ESF1: variants seen among roughly 807,000 people sequenced by gnomAD.
ESF1 encodes ESF1 nucleolar pre-rRNA processing protein.
In ESF1, 58 loss-of-function variants were observed where a neutral mutation model predicts 92.0. The observed-to-expected ratio is 0.63, with a 90% CI of 0.51 to 0.78. The LOEUF (loss-of-function observed/expected upper bound fraction) is 0.78. Among genes scored for constraint, ESF1 ranks in the 30% least tolerant of loss-of-function variants. The pLI is 0.00. For missense variants in ESF1, 922 were observed against 989.1 expected (o/e 0.93, Z 0.91); for synonymous variants, 321 against 313.7 (o/e 1.02, Z -0.24).
chr20:13,741,390 G>C (rs1014295558), intron 9 of ESF1, among the ~76,000 whole-genome samples: 2 of 152,144 alleles, frequency 1.3e-5, no homozygotes, highest in African/African-American at 4.8e-5. Context: ...AGGTGGGCTA[G>C]ATGTGGTGGT....
At chr20:13,782,410 A>G in intron 2 of ESF1, 94 bp downstream of exon 2, 1 of 1,081,562 alleles carries the variant, frequency 9.2e-7, no homozygotes, top group Non-Finnish European at 1.3e-6. Context: ...CCATAATACT[A>G]TGAAAATACT....
chr20:13,780,036 T>A (rs1166660574), intron 2 of ESF1, among the ~76,000 whole-genome samples: 1 of 152,176 alleles, frequency 6.6e-6, no homozygotes, highest in Admixed American at 6.5e-5. Flanking sequence ...CTGTAATAAC[T>A]GATGAATGGA....
intron 9 of ESF1, among the ~76,000 whole-genome samples, chr20:13,755,214 T>C (rs1978836433): frequency 6.6e-6 from 1 of 152,084 alleles, no homozygotes; most frequent in African/African-American, 2.4e-5. Context: ...GAGTGCTGAG[T>C]AGAAAAAAGA....
intron 9 of ESF1, among the ~76,000 whole-genome samples, chr20:13,751,479 C>T (rs968102000): frequency 2.6e-5 from 4 of 152,060 alleles, no homozygotes; most frequent in Admixed American, 6.6e-5. Context: ...ATGCAAACAG[C>T]GGGAAGGACT....
chr20:13,738,439 G>T (rs2049990509), intron 9 of ESF1, among the ~76,000 whole-genome samples: 1 of 151,718 alleles, frequency 6.6e-6, no homozygotes, highest in African/African-American at 2.4e-5. Context: ...TCAGCCTCCT[G>T]AGTAGTGGGA....
intron 9 of ESF1, among the ~76,000 whole-genome samples, chr20:13,758,825 T>C (rs985668257): frequency 2.0e-5 from 3 of 152,182 alleles, no homozygotes; most frequent in Admixed American, 2.0e-4. Flanking sequence ...CCCAACAATG[T>C]TGAAAAAAAT....
intron 9 of ESF1, among the ~76,000 whole-genome samples, chr20:13,746,363 T>G (rs757564088): frequency 3.3e-5 from 5 of 152,176 alleles, no homozygotes; most frequent in African/African-American, 1.2e-4. Flanking sequence ...CACAATGAAG[T>G]ATAAGCATTT....
intron 1 of ESF1, 134 bp from the exon 2 acceptor site, chr20:13,783,317 A>G (rs1273016857): frequency 1.4e-6 from 1 of 723,472 alleles, no homozygotes; most frequent in East Asian, 2.8e-5. Context: ...TAACAAGTCT[A>G]ATTTCATCTC....
At position 13,766,821 on chromosome 20, in the gene ESF1, G is replaced by A. The variant is rs778833060; in HGVS notation, c.1622C>T (p.Ala541Val). ...LLDMDFQAYL[A>V]SSSEDEEEIE... The stretch of plus-strand genomic sequence containing the variant: ...CTCCTCTTCATCTTCACTAGAGGAA[G>A]CTAAGTAGGCTTGAAAATCCATGTC... The change falls in exon 8 of 14, where the codon GCT (alanine) becomes GTT (valine). Residue 541 changes from alanine to valine, a missense_variant. Ala to Val is a moderately conservative substitution (Grantham distance 64, BLOSUM62 0). Coordinates refer to ENST00000617257, the MANE Select transcript of ESF1 (RefSeq NM_001276380.2). The A allele has an allele frequency of 6.2e-7, 1 of 1,613,822 alleles. No individual in the cohort carries two copies. The highest frequency in any genetic ancestry group is 8.5e-7 in the Non-Finnish European group (1 of 1,179,896).
chr20:13,780,202 A>G (rs1047831166), intron 2 of ESF1, among the ~76,000 whole-genome samples: 1 of 152,246 alleles, frequency 6.6e-6, no homozygotes, highest in Non-Finnish European at 1.5e-5. Context: ...ATGTCCTTAC[A>G]TAAGTCACTT....
chr20:13,752,507 T>C (rs1278237966), intron 9 of ESF1, among the ~76,000 whole-genome samples: 1 of 152,250 alleles, frequency 6.6e-6, no homozygotes, highest in African/African-American at 2.4e-5. Context: ...TTTTTCTGAA[T>C]ATATTTCAAA....
At chr20:13,781,180 T>C (rs1349692807) in intron 2 of ESF1, among the ~76,000 whole-genome samples, 2 of 152,214 alleles carry the variant, frequency 1.3e-5, no homozygotes, top group Non-Finnish European at 2.9e-5. Context: ...TTTCTTCTAC[T>C]TTAGATCTAT....
intron 5 of ESF1, 46 bp from the exon 6 acceptor site, chr20:13,771,529 A>C: frequency 6.8e-7 from 1 of 1,472,462 alleles, no homozygotes; most frequent in Non-Finnish European, 9.3e-7. Context: ...AGAAACACAA[A>C]AATTTCCCTT....
At chr20:13,784,293 C>CA (rs1555828481) in intron 1 of ESF1, among the ~76,000 whole-genome samples, 2 of 147,050 alleles carry the variant, frequency 1.4e-5, no homozygotes, top group Non-Finnish European at 3.0e-5. Context: ...AACCCCCCCC[C>CA]AAAATGATTA....
At chr20:13,751,307 CACA>C (rs1164972894) in intron 9 of ESF1, among the ~76,000 whole-genome samples, 2 of 152,200 alleles carry the variant, frequency 1.3e-5, no homozygotes, top group Non-Finnish European at 2.9e-5. Flanking sequence ...CCAAAGAATT[CACA>C]ACTTCAAACA....
rs370393643 is a variant in ESF1, at chr20:13,775,985, T to C, written c.923A>G (p.Asn308Ser). The C allele has an allele frequency of 4.3e-6, 7 of 1,613,838 alleles. No individual in the cohort carries two copies. Among genetic ancestry groups the C allele is most frequent in the Non-Finnish European group, 5.1e-6 (6 of 1,179,942 alleles). ...TTCATCTTCAGAACTAGTTTCTATA[T>C]TTCCTTTACCCCTTGCAAGATCAGG... ...SGPDLARGKG[N>S]IETSSEDEDD... is the part of the protein sequence containing the mutation. The change falls in exon 3 of 14, where the codon AAT becomes AGT. Residue 308 changes from asparagine (N) to serine (S), a missense_variant. Coordinates refer to ENST00000617257, the MANE Select transcript of ESF1 (RefSeq NM_001276380.2).
At chr20:13,735,138 C>CATTT (rs2049968118) in intron 9 of ESF1, among the ~76,000 whole-genome samples, 1 of 152,056 alleles carries the variant, frequency 6.6e-6, no homozygotes, top group Non-Finnish European at 1.5e-5. Flanking sequence ...CCCCTCAAAA[C>CATTT]ATTTGGTAAA....
At chr20:13,768,150 G>A (rs1257564139) in intron 7 of ESF1, among the ~76,000 whole-genome samples, 1 of 152,188 alleles carries the variant, frequency 6.6e-6, no homozygotes, top group African/African-American at 2.4e-5. Flanking sequence ...ACTACACCCA[G>A]TAACTAATCA....
At chr20:13,721,738 C>T (rs2049869552) in intron 11 of ESF1, among the ~76,000 whole-genome samples, 1 of 152,210 alleles carries the variant, frequency 6.6e-6, no homozygotes, top group Non-Finnish European at 1.5e-5. Flanking sequence ...AAAAGTGCTG[C>T]CAGGCTTGCC....
Sources: allele counts gnomAD v4.1 joint callset (sites outside exome capture counted in the v4.1 genomes callset), GRCh38; gene constraint gnomAD v4.1.1; transcripts MANE v1.5; gene names NCBI Gene and HGNC (gene_info 2026-07-23, HGNC 2026-07-21).